SCOC: variants seen among roughly 807,000 people sequenced by gnomAD.
The protein encoded by SCOC is short coiled-coil protein.
In SCOC, 7 loss-of-function variants were observed where a neutral mutation model predicts 9.9. The ratio of observed to expected loss-of-function variants is 0.71; its 90% CI spans 0.40 to 1.33. SCOC has a LOEUF of 1.33. SCOC is among the 40% of genes most tolerant of loss of function. The probability of loss-of-function intolerance (pLI) is 0.01; values close to 1 mark genes in which losing one functional copy is unlikely to be tolerated. For synonymous variants in SCOC, 19 were observed against 28.2 expected, an observed-to-expected ratio of 0.67 and a Z score of 1.03; for missense variants, 66 against 89.7, an observed-to-expected ratio of 0.74 and a Z score of 1.07.
chr4:140,327,957 A>G (rs1732698351), intron 1 of SCOC, among the ~76,000 whole-genome samples: 2 of 152,142 alleles, frequency 1.3e-5, no homozygotes, highest in South Asian at 4.1e-4. Context: ...TCTCCCTGCC[A>G]GCAGGTGCCT....
At chr4:140,358,283 A>ACAAT (rs1190010200) in intron 2 of SCOC, among the ~76,000 whole-genome samples, 55 of 152,348 alleles carry the variant, frequency 3.6e-4, no homozygotes, top group African/African-American at 1.2e-3. Context: ...CCAGATAGTT[A>ACAAT]CGATCATTGC....
intron 1 of SCOC, among the ~76,000 whole-genome samples, chr4:140,301,875 CG>C (rs1444446331): frequency 1.3e-5 from 2 of 152,118 alleles, no homozygotes; most frequent in African/African-American, 4.8e-5. Context: ...TCTGTTGCCC[CG>C]GCTGGAGTAC....
At chr4:140,310,919 A>G (rs1182276207) in intron 1 of SCOC, among the ~76,000 whole-genome samples, 2 of 152,204 alleles carry the variant, frequency 1.3e-5, no homozygotes, top group African/African-American at 2.4e-5. Flanking sequence ...GCAGATGCAG[A>G]TGATGCAGCT....
At chr4:140,314,016 C>G (rs544283701) in intron 1 of SCOC, 2 of 151,638 alleles carry the variant, frequency 1.3e-5, no homozygotes, top group East Asian at 3.9e-4. Flanking sequence ...GTAGTCCTGG[C>G]TACCTTGGAG....
chr4:140,340,693 C>G (rs115295360), upstream of SCOC, among the ~76,000 whole-genome samples: 655 of 149,892 alleles, frequency 4.4e-3, 1 homozygote, highest in African/African-American at 0.013. Context: ...TTTAAATCCA[C>G]AGATAATTCT....
intron 1 of SCOC, among the ~76,000 whole-genome samples, chr4:140,374,478 A>G (rs1728243485): frequency 6.6e-6 from 1 of 152,180 alleles, no homozygotes. Context: ...GTAGCTAGCC[A>G]TTCTCTGAGA....
At chr4:140,318,334 A>G (rs1476874403) in intron 1 of SCOC, among the ~76,000 whole-genome samples, 2 of 124,720 alleles carry the variant, frequency 1.6e-5, no homozygotes, top group African/African-American at 3.8e-5. Flanking sequence ...TACTCATCTG[A>G]CAAAGGGCTA....
rs1003078138 is a variant in SCOC at position 140,382,528 on chromosome 4, C to T, written c.*1424C>T. 2.0e-5 allele frequency: 3 copies of T among 152,474 alleles called. No homozygotes were observed. The highest frequency in any genetic ancestry group is 1.5e-5 in the Non-Finnish European group (1 of 68,008). The allele number at this position is 152,474 out of a possible 1,614,324, so 9.4% of individuals were successfully genotyped here. A position where few individuals can be genotyped will look rare whatever the true frequency, so the allele number is the denominator to read the frequency against. ...AAATTGTGTTGCAGTTCTGCTTTGC[C>T]GTTTAATAAAAAGCTATTTCAGAGG... On this transcript the variant is annotated 3_prime_UTR_variant, in exon 4 of 4. Coordinates refer to ENST00000608372, the MANE Select transcript of SCOC (RefSeq NM_001153484.2).
At chr4:140,292,891 T>A (rs1731516369) in intron 1 of SCOC, among the ~76,000 whole-genome samples, 1 of 152,206 alleles carries the variant, frequency 6.6e-6, no homozygotes, top group Admixed American at 6.5e-5. Context: ...GGTTTAAGCA[T>A]CACTGGGGCT....
At chr4:140,279,785 T>A (rs1168194300) in intron 1 of SCOC, among the ~76,000 whole-genome samples, 1 of 152,112 alleles carries the variant, frequency 6.6e-6, no homozygotes, top group African/African-American at 2.4e-5. Flanking sequence ...GAACTTATAT[T>A]TTTTTCTCTC....
chr4:140,379,024 C>A, intron 1 of SCOC, 97 bp from the exon 2 acceptor site: 1 of 759,110 alleles, frequency 1.3e-6, no homozygotes. Context: ...ATGAAAAGTC[C>A]TACTATGTCA....
intron 1 of SCOC, among the ~76,000 whole-genome samples, chr4:140,316,417 C>G (rs1477711964): frequency 6.6e-6 from 1 of 152,208 alleles, no homozygotes; most frequent in Admixed American, 6.5e-5. Context: ...TTATTTCAAT[C>G]TATGTATATA....
intron 2 of SCOC, among the ~76,000 whole-genome samples, chr4:140,365,133 C>G (rs1727732991): frequency 6.9e-6 from 1 of 145,168 alleles, no homozygotes; most frequent in Non-Finnish European, 1.5e-5. Context: ...GGATTTACCA[C>G]AGAGCCAATC....
intron 1 of SCOC, among the ~76,000 whole-genome samples, chr4:140,257,746 A>G (rs1730540559): frequency 1.3e-5 from 2 of 152,322 alleles, no homozygotes; most frequent in Middle Eastern, 3.4e-3. Context: ...CTAGTGCATA[A>G]TAAGCACTTT....
chr4:140,343,707 A>C (rs1173311333), exon 2 of SCOC: 10 of 1,610,384 alleles, frequency 6.2e-6, no homozygotes, highest in Non-Finnish European at 7.6e-6. Context: ...CAGATGACAT[A>C]GGTAAGGAAA....
intron 1 of SCOC, among the ~76,000 whole-genome samples, chr4:140,318,120 A>T (rs931503483): frequency 4.6e-5 from 7 of 151,702 alleles, no homozygotes; most frequent in African/African-American, 1.7e-4. Flanking sequence ...TAAAACCATA[A>T]AAACCCTAGA....
At chr4:140,294,641 G>C (rs556479320) in intron 1 of SCOC, among the ~76,000 whole-genome samples, 9 of 152,252 alleles carry the variant, frequency 5.9e-5, no homozygotes, top group African/African-American at 2.2e-4. Flanking sequence ...AGACCATTAA[G>C]GATTATGCTC....
At chr4:140,362,296 CTTCTTTT>C (rs1367544191) in intron 2 of SCOC, among the ~76,000 whole-genome samples, 1 of 18,468 alleles carries the variant, frequency 5.4e-5, no homozygotes, top group East Asian at 1.6e-3. Context: ...TCTTCTTCTT[CTTCTTTT>C]TTTTTTTTTT....
chr4:140,362,467 G>T (rs1182977795), intron 2 of SCOC, among the ~76,000 whole-genome samples: 3 of 149,478 alleles, frequency 2.0e-5, no homozygotes, highest in African/African-American at 7.4e-5. Flanking sequence ...GCTAATTTTT[G>T]TATTTTTATT....
Sources: gnomAD v4.1 joint callset for allele counts (sites outside exome capture counted in the v4.1 genomes callset) on GRCh38, gnomAD v4.1.1 for gene constraint, MANE v1.5 for transcripts, NCBI Gene and HGNC (gene_info 2026-07-23, HGNC 2026-07-21) for gene names.